The following TMTC4 variants were observed in gnomAD, a reference collection of about 807,000 sequenced individuals.
The protein encoded by TMTC4 is transmembrane O-mannosyltransferase targeting cadherins 4.
TMTC4 carries 65 observed loss-of-function variants against 86.0 expected under a neutral mutation model. The observed-to-expected ratio is 0.76, with a 90% CI of 0.62 to 0.93. The LOEUF is 0.93. TMTC4 is among the 40% of genes least tolerant of loss of function. TMTC4 has a pLI of 0.00. For synonymous variants in TMTC4, 379 were observed against 382.5 expected (o/e 0.99, Z 0.11); for missense variants, 866 against 948.1 (o/e 0.91, Z 1.14).
chr13:100,613,788 TCCTG>T (rs1227021376), intron 16 of TMTC4, among the ~76,000 whole-genome samples: 23 of 130,232 alleles, frequency 1.8e-4, no homozygotes, highest in Middle Eastern at 3.8e-3. Context: ...CTCCCTTCCT[TCCTG>T]CCTTTCTTCC....
chr13:100,628,255 T>A (rs1415392172), intron 12 of TMTC4, among the ~76,000 whole-genome samples: 1 of 152,228 alleles, frequency 6.6e-6, no homozygotes, highest in Non-Finnish European at 1.5e-5. Flanking sequence ...TCTCTATGCA[T>A]TTGACTCCCA....
chr13:100,606,975 T>A (rs547146392), intron 17 of TMTC4, among the ~76,000 whole-genome samples: 8 of 152,292 alleles, frequency 5.3e-5, no homozygotes, highest in African/African-American at 1.9e-4. Flanking sequence ...CAAATGCCCC[T>A]GATGGGTGTG....
At chr13:100,660,330 CAAAAAAAAAAAAA>C (rs56177115) in intron 5 of TMTC4, among the ~76,000 whole-genome samples, 1 of 131,132 alleles carries the variant, frequency 7.6e-6, no homozygotes, top group East Asian at 2.1e-4. Context: ...GACTGTGTAT[CAAAAAAAAAAAAA>C]AAAAAGAAAA....
chr13:100,614,691 GT>G lies in TMTC4; in HGVS notation c.1837-262del, dbSNP rs377694128. Among the ~76,000 whole-genome samples, 141 of 152,218 alleles carry G rather than the reference GT, an allele frequency of 9.3e-4. 2 individuals are homozygous for G. The South Asian group carries it at 0.015, about 16-fold the overall frequency. On this transcript the variant is annotated intron_variant, in intron 15 of 18. Transcript: ENST00000342624. ...GCACGAGGAAATGAACTTGCCCAAA[GT>G]TATAGACTAGAAATGGTAAAGCAGG...
chr13:100,613,964 C>G (rs1857049151), intron 16 of TMTC4, among the ~76,000 whole-genome samples: 1 of 151,522 alleles, frequency 6.6e-6, no homozygotes, highest in South Asian at 2.1e-4. Context: ...CTCAGCCTCC[C>G]AAGTAGCTGG....
chr13:100,656,318 A>G (rs1885099324), intron 6 of TMTC4, 63 bp downstream of exon 6: 2 of 1,430,736 alleles, frequency 1.4e-6, no homozygotes, highest in Admixed American at 1.9e-5. Flanking sequence ...ATGTTAAGAC[A>G]CTGCTCAACA....
intron 6 of TMTC4, among the ~76,000 whole-genome samples, chr13:100,642,695 C>T (rs903130381): frequency 3.3e-5 from 5 of 152,210 alleles, no homozygotes; most frequent in Admixed American, 3.3e-4. Flanking sequence ...CATCTGGTTT[C>T]AAGATGACCC....
chr13:100,637,889 C>T (rs1225608539), intron 8 of TMTC4, 41 bp downstream of exon 8: 1 of 1,567,166 alleles, frequency 6.4e-7, no homozygotes, highest in Admixed American at 1.8e-5. Flanking sequence ...TGGTACTTGA[C>T]ATTTTCCATG....
chr13:100,626,096 T>G lies in TMTC4; in HGVS notation c.1561A>C (p.Ile521Leu). The G allele has an allele frequency of 6.2e-7, 1 of 1,614,234 alleles. No homozygotes were observed. Among genetic ancestry groups the G allele is most frequent in the Non-Finnish European group, 8.5e-7 (1 of 1,180,050 alleles). Residue 521 changes from isoleucine to leucine, a missense_variant, in exon 13 of 19, where the codon ATC becomes CTC. Coordinates refer to ENST00000342624, the MANE Select transcript of TMTC4 (RefSeq NM_032813.5). ...LADKGNQTAA[I>L]RYYREAVRLN... ...CTTACAGCTTCCCGGTAGTATCTGA[T>G]GGCAGCTGTCTGGTTGCCTTTATCA... is the stretch of plus-strand genomic sequence containing the variant.
chr13:100,635,254 C>A (rs1432286596), intron 10 of TMTC4, 59 bp from the exon 11 acceptor site: 3 of 1,441,788 alleles, frequency 2.1e-6, no homozygotes, highest in Non-Finnish European at 2.8e-6. Context: ...AGAAAAACAT[C>A]CTACTCCACA....
intron 6 of TMTC4, among the ~76,000 whole-genome samples, chr13:100,646,807 C>A (rs1883812433): frequency 6.6e-6 from 1 of 152,184 alleles, no homozygotes; most frequent in African/African-American, 2.4e-5. Context: ...TAAGGAGCCA[C>A]AACAACAACA....
intron 6 of TMTC4, among the ~76,000 whole-genome samples, chr13:100,645,569 C>G (rs920698990): frequency 6.6e-6 from 1 of 152,128 alleles, no homozygotes; most frequent in African/African-American, 2.4e-5. Flanking sequence ...GAGCCCCGTG[C>G]ACCTCTCCAT....
chr13:100,635,120 G>A lies in TMTC4; in HGVS notation c.1278C>T (p.Phe426=), dbSNP rs768004337. 79 of 1,613,978 alleles carry A rather than the reference G, an allele frequency of 4.9e-5. No homozygotes were observed. The highest frequency in any genetic ancestry group is 1.2e-4 in the African/African-American group (9 of 74,906). ...GGTAGAGGACACGCTCTGCGACCAC[G>A]AAGCCCACTCGGAAGAACAGGTTAC... The part of the protein sequence containing the change: ...PASNLFFRVG[F]VVAERVLYLP... The change falls in exon 11 of 19, where the codon TTC becomes TTT. Residue 426 remains phenylalanine, a synonymous_variant. Coordinates refer to ENST00000342624, the MANE Select transcript of TMTC4 (RefSeq NM_032813.5).
At chr13:100,608,174 T>G (rs1876958919) in intron 17 of TMTC4, among the ~76,000 whole-genome samples, 1 of 152,224 alleles carries the variant, frequency 6.6e-6, no homozygotes, top group Non-Finnish European at 1.5e-5. Flanking sequence ...AATTCATTTA[T>G]TCATTCAGCT....
chr13:100,619,761 C>A (rs79121008), intron 15 of TMTC4, among the ~76,000 whole-genome samples: 1 of 152,066 alleles, frequency 6.6e-6, no homozygotes, highest in East Asian at 1.9e-4. Flanking sequence ...GAAAATAATG[C>A]GATGCTTAAT....
intron 1 of TMTC4, chr13:100,674,460 G>T: frequency 1.1e-6 from 1 of 908,708 alleles, no homozygotes; most frequent in Non-Finnish European, 1.3e-6. Context: ...ACCTCTGCCC[G>T]GGCGGAGAAG....
intron 7 of TMTC4, chr13:100,638,226 T>G (rs1031108053): frequency 2.0e-6 from 1 of 505,210 alleles, no homozygotes; most frequent in African/African-American, 1.9e-5. Flanking sequence ...ATATTTATTA[T>G]TTAGTAAGCC....
At chr13:100,674,190 C>A in intron 1 of TMTC4, 1 of 982,660 alleles carries the variant, frequency 1.0e-6, no homozygotes, top group Non-Finnish European at 1.2e-6. Context: ...GCCGGTGGCC[C>A]CGCGCTCGCG....
At chr13:100,649,237 C>G (rs906862412) in intron 6 of TMTC4, among the ~76,000 whole-genome samples, 2 of 152,198 alleles carry the variant, frequency 1.3e-5, no homozygotes, top group Non-Finnish European at 2.9e-5. Flanking sequence ...AAGTGAAAAA[C>G]TAGCTCTGAG....
Sources: gnomAD v4.1 joint callset for allele counts (sites outside exome capture counted in the v4.1 genomes callset) on GRCh38, gnomAD v4.1.1 for gene constraint, MANE v1.5 for transcripts, NCBI Gene and HGNC (gene_info 2026-07-23, HGNC 2026-07-21) for gene names.